PKP2: variants seen among roughly 807,000 people sequenced by gnomAD.
The protein encoded by PKP2 is plakophilin-2.
A neutral mutation model predicts 83.4 loss-of-function variants in PKP2; 73 were observed. That is an observed-to-expected ratio of 0.88 (90% CI 0.72 to 1.06). PKP2 has a LOEUF of 1.06. Among genes scored for constraint, PKP2 ranks in the 50% least tolerant of loss-of-function variants. The probability of loss-of-function intolerance (pLI) is 0.00; values close to 1 mark genes in which losing one functional copy is unlikely to be tolerated. For missense variants in PKP2, 966 were observed against 1,065.4 expected, an observed-to-expected ratio of 0.91 and a Z score of 1.30; for synonymous variants, 409 against 430.4, an observed-to-expected ratio of 0.95 and a Z score of 0.62.
In PKP2 at chr12:32,861,983, C is replaced by T. The variant is rs534927896; in HGVS notation, c.1170+6944G>A. ...TGTGATCTCAGCTTACTGCAACCTT[C>T]GCCTCCTGGGTTCAAGCAATTCTCC... On this transcript the variant is annotated intron_variant, in intron 4 of 12. Transcript: ENST00000340811. Among the ~76,000 whole-genome samples, 67 of 152,200 alleles carry T rather than the reference C, an allele frequency of 4.4e-4. 1 individual carries two copies. The South Asian group carries it at 0.011, about 25-fold the overall frequency.
intron 1 of PKP2, among the ~76,000 whole-genome samples, chr12:32,888,681 C>T (rs1440526761): frequency 6.6e-6 from 1 of 151,968 alleles, no homozygotes; most frequent in Non-Finnish European, 1.5e-5. Flanking sequence ...TTAGTAGAGA[C>T]AGGGTTTCTC....
At chr12:32,816,246 T>G (rs567057257) in intron 9 of PKP2, among the ~76,000 whole-genome samples, 1 of 152,240 alleles carries the variant, frequency 6.6e-6, no homozygotes, top group South Asian at 2.1e-4. Flanking sequence ...TCTCTCCCTC[T>G]TCTTGTAGTC....
At chr12:32,858,518 T>C (rs527436921) in intron 4 of PKP2, among the ~76,000 whole-genome samples, 1 of 152,214 alleles carries the variant, frequency 6.6e-6, no homozygotes, top group South Asian at 2.1e-4. Flanking sequence ...TCCATAATTA[T>C]ACAACTTTTG....
intron 6 of PKP2, among the ~76,000 whole-genome samples, chr12:32,828,864 G>A (rs1956469574): frequency 6.6e-6 from 1 of 152,174 alleles, no homozygotes; most frequent in African/African-American, 2.4e-5. Flanking sequence ...GAACAATAAC[G>A]TCTGAGTGCA....
chr12:32,871,444 C>T (rs145910808), intron 3 of PKP2, among the ~76,000 whole-genome samples: 180 of 152,056 alleles, frequency 1.2e-3, no homozygotes, highest in Non-Finnish European at 2.0e-3. Flanking sequence ...TACAGGTGCA[C>T]GCCACCATAC....
At chr12:32,844,691 A>C (rs2137842350) in intron 5 of PKP2, among the ~76,000 whole-genome samples, 1 of 152,314 alleles carries the variant, frequency 6.6e-6, no homozygotes, top group South Asian at 2.1e-4. Flanking sequence ...AAATTAGCTT[A>C]TCTCTTATCA....
At chr12:32,842,536 G>A (rs1956604435) in intron 5 of PKP2, among the ~76,000 whole-genome samples, 1 of 151,220 alleles carries the variant, frequency 6.6e-6, no homozygotes, top group Admixed American at 6.6e-5. Context: ...CCATTGCCTG[G>A]CCCGCCTCAT....
At chr12:32,884,999 C>G (rs1367295058) in intron 1 of PKP2, among the ~76,000 whole-genome samples, 1 of 152,162 alleles carries the variant, frequency 6.6e-6, no homozygotes, top group African/African-American at 2.4e-5. Flanking sequence ...GGCAACATTA[C>G]CTATACTTTT....
intron 4 of PKP2, among the ~76,000 whole-genome samples, chr12:32,858,287 G>A (rs1956772854): frequency 6.7e-6 from 1 of 149,804 alleles, no homozygotes; most frequent in South Asian, 2.1e-4. Flanking sequence ...CTGGGCAACA[G>A]AACAACACCC....
At chr12:32,873,628 C>T (rs886735176) in intron 3 of PKP2, among the ~76,000 whole-genome samples, 11 of 152,208 alleles carry the variant, frequency 7.2e-5, no homozygotes, top group Middle Eastern at 6.8e-3. Flanking sequence ...CTCCTGGGTT[C>T]AAGCAATTTT....
intron 1 of PKP2, among the ~76,000 whole-genome samples, chr12:32,892,825 G>C (rs959986383): frequency 3.2e-5 from 3 of 94,102 alleles, no homozygotes; most frequent in East Asian, 6.0e-4. Flanking sequence ...GGGCGGGGGG[G>C]GGGGGAGAAC....
chr12:32,804,458 C>G (rs982995176), intron 9 of PKP2, among the ~76,000 whole-genome samples: 13 of 152,192 alleles, frequency 8.5e-5, no homozygotes, highest in Admixed American at 8.5e-4. Context: ...TGCTCTCCCT[C>G]ATCCCCCAAC....
intron 3 of PKP2, among the ~76,000 whole-genome samples, chr12:32,876,000 G>A (rs532411770): frequency 6.6e-6 from 1 of 152,238 alleles, no homozygotes; most frequent in East Asian, 1.9e-4. Context: ...TGGAATAGAA[G>A]GGTTACTGAA....
rs148533214 is a variant in PKP2 at position 32,841,069 on chromosome 12, C to T, written c.1515G>A (p.Leu505=). 3.7e-6 allele frequency: 6 copies of T among 1,613,796 alleles called. No individual in the cohort carries two copies. Among genetic ancestry groups the T allele is most frequent in the Non-Finnish European group, 5.1e-6 (6 of 1,179,938 alleles). The change falls in exon 6 of 13, where the codon TTG becomes TTA. Residue 505 remains leucine (L), a synonymous_variant. Coordinates refer to ENST00000340811, the MANE Select transcript of PKP2 (RefSeq NM_001005242.3). ...PEGDYPKANG[L]LDFDIFYNVT... Reference sequence around the variant, plus strand: ...CGTTGTAGAATATGTCAAAATCGAGCAAACCATTTGCTTTTGGGTAGTCTC... The same window carrying T: ...CGTTGTAGAATATGTCAAAATCGAGTAAACCATTTGCTTTTGGGTAGTCTC...
rs1956077874 is a variant in PKP2 at position 32,792,471 on chromosome 12, A to G, written c.2467T>C (p.Phe823Leu). 2 of 1,613,928 alleles carry G rather than the reference A, an allele frequency of 1.2e-6. No homozygotes were observed. Among genetic ancestry groups the G allele is most frequent in the Non-Finnish European group, 1.7e-6 (2 of 1,179,844 alleles). The change falls in exon 13 of 13, where the codon TTT becomes CTT. Residue 823 changes from phenylalanine (F) to leucine (L), a missense_variant. Coordinates refer to ENST00000340811, the MANE Select transcript of PKP2 (RefSeq NM_001005242.3). ...GCTTTGGCAGTCCGGCTGTTGACAA[A>G]ATCTGTCTTCTTAAACTGAGCCTTT... ...YKKAQFKKTD[F>L]VNSRTAKAYH... is the part of the protein sequence containing the mutation.
chr12:32,819,139 G>A (rs1351608384), intron 9 of PKP2, among the ~76,000 whole-genome samples: 1 of 151,798 alleles, frequency 6.6e-6, no homozygotes, highest in Non-Finnish European at 1.5e-5. Context: ...TTAGCTGGGC[G>A]TGGTGGCGGG....
chr12:32,886,849 A>C (rs542631469), intron 1 of PKP2, among the ~76,000 whole-genome samples: 3 of 152,066 alleles, frequency 2.0e-5, no homozygotes, highest in South Asian at 4.2e-4. Flanking sequence ...AAATTTAAAA[A>C]TTAGCTGGGC....
chr12:32,816,332 G>A (rs1798553698), intron 9 of PKP2, among the ~76,000 whole-genome samples: 3 of 152,258 alleles, frequency 2.0e-5, no homozygotes, highest in South Asian at 4.1e-4. Context: ...GGGAGAATAT[G>A]TGGTATTTGT....
At chr12:32,892,845 AGT>A in intron 1 of PKP2, among the ~76,000 whole-genome samples, 1 of 149,236 alleles carries the variant, frequency 6.7e-6, no homozygotes. Flanking sequence ...CTGTGTAGCA[AGT>A]AGTACTTTTA....
Sources: gnomAD v4.1 joint callset for allele counts (sites outside exome capture counted in the v4.1 genomes callset) on GRCh38, gnomAD v4.1.1 for gene constraint, MANE v1.5 for transcripts, NCBI Gene and HGNC (gene_info 2026-07-23, HGNC 2026-07-21) for gene names.